Variants in RBFOX1 observed in about 807,000 individuals in gnomAD.
RBFOX1 encodes RNA binding protein fox-1 homolog 1.
RBFOX1 carries 8 observed loss-of-function variants against 57.7 expected under a neutral mutation model. That is an observed-to-expected ratio of 0.14 (90% CI 0.08 to 0.25). RBFOX1 has a LOEUF of 0.25. Ranked by LOEUF, RBFOX1 falls within the 10% of genes least tolerant of loss-of-function variation. The pLI, the probability that RBFOX1 is intolerant of heterozygous loss-of-function variation, is 1.00. For missense variants in RBFOX1, 611 were observed against 548.5 expected (o/e 1.11, Z -1.14); for synonymous variants, 326 against 222.4 (o/e 1.47, Z -4.15).
intron 3 of RBFOX1, among the ~76,000 whole-genome samples, chr16:5,835,520 G>C (rs2056429849): frequency 2.6e-5 from 4 of 152,136 alleles, no homozygotes; most frequent in Admixed American, 2.6e-4. Flanking sequence ...AAAGAGTCCA[G>C]ATTCCCAGGA....
At chr16:6,580,973 C>G (rs976636664) in intron 2 of RBFOX1, among the ~76,000 whole-genome samples, 4 of 150,886 alleles carry the variant, frequency 2.7e-5, no homozygotes, top group African/African-American at 7.3e-5. Context: ...GCTTCTGAAG[C>G]ATTGATCAAG....
chr16:7,682,518 G>T (rs961064142), intron 14 of RBFOX1, among the ~76,000 whole-genome samples: 2 of 151,004 alleles, frequency 1.3e-5, no homozygotes, highest in Non-Finnish European at 3.0e-5. Flanking sequence ...TTTTGATGGT[G>T]CTTTGAAGAA....
At chr16:5,883,506 C>G (rs544938681) in intron 4 of RBFOX1, among the ~76,000 whole-genome samples, 1 of 121,596 alleles carries the variant, frequency 8.2e-6, no homozygotes, top group Non-Finnish European at 1.7e-5. Context: ...ACCTGCAATC[C>G]CAGATACGGG....
chr16:6,901,266 C>G (rs141204419), intron 3 of RBFOX1, among the ~76,000 whole-genome samples: 3 of 152,168 alleles, frequency 2.0e-5, no homozygotes, highest in Admixed American at 2.0e-4. Flanking sequence ...ATTGCTTGTT[C>G]ATCTCTTCTG....
intron 4 of RBFOX1, among the ~76,000 whole-genome samples, chr16:7,271,730 C>G (rs1033278774): frequency 6.6e-6 from 1 of 152,000 alleles, no homozygotes; most frequent in Non-Finnish European, 1.5e-5. Context: ...AGCATAAAGT[C>G]GGTCCTGCTT....
chr16:7,076,734 G>A (rs769074649), intron 4 of RBFOX1, among the ~76,000 whole-genome samples: 4 of 152,042 alleles, frequency 2.6e-5, no homozygotes, highest in African/African-American at 7.2e-5. Context: ...ATGTTCACTC[G>A]TAACAGTGTA....
At chr16:6,299,218 A>G (rs2078500659) in intron 1 of RBFOX1, among the ~76,000 whole-genome samples, 1 of 152,020 alleles carries the variant, frequency 6.6e-6, no homozygotes, top group East Asian at 1.9e-4. Flanking sequence ...AGCCCCACAA[A>G]CTCATCTGAA....
chr16:6,663,797 C>G (rs747808112), intron 3 of RBFOX1, among the ~76,000 whole-genome samples: 3 of 152,132 alleles, frequency 2.0e-5, no homozygotes, highest in Non-Finnish European at 2.9e-5. Flanking sequence ...AAGTTTGAGT[C>G]TGAAGGGAGA....
intron 1 of RBFOX1, among the ~76,000 whole-genome samples, chr16:6,290,944 G>A (rs2077406548): frequency 6.6e-6 from 1 of 152,144 alleles, no homozygotes; most frequent in South Asian, 2.1e-4. Context: ...CATAGAGAGA[G>A]CATCCCCAAG....
intron 4 of RBFOX1, among the ~76,000 whole-genome samples, chr16:7,306,580 C>CGT (rs58761346): frequency 0.78 from 116,769 of 148,926 alleles, 45,643 homozygotes; most frequent in East Asian, 0.83. Flanking sequence ...GAATGGTGTG[C>CGT]GTGTGTGTGT....
intron 14 of RBFOX1, among the ~76,000 whole-genome samples, chr16:7,707,722 G>A (rs981917995): frequency 3.9e-5 from 6 of 152,118 alleles, no homozygotes; most frequent in African/African-American, 1.4e-4. Context: ...ACTTATGTAG[G>A]CATTAAAAAG....
intron 4 of RBFOX1, among the ~76,000 whole-genome samples, chr16:5,890,363 G>A (rs116412841): frequency 0.013 from 2,030 of 152,226 alleles, 44 homozygotes; most frequent in African/African-American, 0.047. Context: ...CTGAGTAAAC[G>A]GAGGTGCTGG....
chr16:6,922,911 G>C (rs921706544), intron 3 of RBFOX1, among the ~76,000 whole-genome samples: 1 of 152,118 alleles, frequency 6.6e-6, no homozygotes, highest in Non-Finnish European at 1.5e-5. Flanking sequence ...CTATATGTCT[G>C]TATTTCCTTT....
intron 3 of RBFOX1, among the ~76,000 whole-genome samples, chr16:6,867,971 T>A (rs1003033227): frequency 3.3e-5 from 5 of 152,152 alleles, no homozygotes; most frequent in Admixed American, 6.5e-5. Flanking sequence ...GCAGTTGAAT[T>A]TTGATTTCTG....
At chr16:5,712,298 T>C (rs1012248917) in intron 3 of RBFOX1, among the ~76,000 whole-genome samples, 2 of 152,204 alleles carry the variant, frequency 1.3e-5, no homozygotes, top group African/African-American at 4.8e-5. Flanking sequence ...TTATTAGCAA[T>C]ACCTCATTTA....
intron 3 of RBFOX1, among the ~76,000 whole-genome samples, chr16:5,651,672 G>A (rs1486687729): frequency 2.0e-5 from 3 of 152,150 alleles, no homozygotes; most frequent in Non-Finnish European, 4.4e-5. Context: ...CTGTGAGTGA[G>A]CCGTTTCAGT....
chr16:6,980,824 C>T (rs530762810), intron 3 of RBFOX1, among the ~76,000 whole-genome samples: 1 of 152,096 alleles, frequency 6.6e-6, no homozygotes, highest in Non-Finnish European at 1.5e-5. Context: ...AGGCGGATCA[C>T]TTCAGGTCAG....
intron 2 of RBFOX1, among the ~76,000 whole-genome samples, chr16:5,563,771 A>G (rs1323104313): frequency 6.6e-6 from 1 of 152,158 alleles, no homozygotes; most frequent in East Asian, 1.9e-4. Flanking sequence ...AATGAGCACT[A>G]TAGCATATTT....
intron 3 of RBFOX1, among the ~76,000 whole-genome samples, chr16:5,659,220 ATTC>A (rs1336961042): frequency 6.7e-6 from 1 of 149,658 alleles, no homozygotes; most frequent in Admixed American, 6.6e-5. Flanking sequence ...ATAAGGTGGT[ATTC>A]TTTTATGGTT....
Sources: gnomAD v4.1 joint callset for allele counts (sites outside exome capture counted in the v4.1 genomes callset) on GRCh38, gnomAD v4.1.1 for gene constraint, MANE v1.5 for transcripts, NCBI Gene and HGNC (gene_info 2026-07-23, HGNC 2026-07-21) for gene names.